Variants in FAM13A observed in about 807,000 individuals in gnomAD.
FAM13A encodes the protein protein FAM13A.
A neutral mutation model predicts 129.6 loss-of-function variants in FAM13A; 76 were observed. That is an observed-to-expected ratio of 0.59 (90% CI 0.49 to 0.71). FAM13A has a LOEUF of 0.71. Ranked by LOEUF, FAM13A falls within the 30% of genes least tolerant of loss-of-function variation. The probability of loss-of-function intolerance (pLI) is 0.00; values close to 1 mark genes in which losing one functional copy is unlikely to be tolerated. For missense variants in FAM13A, 1,108 were observed against 1,249.3 expected (o/e 0.89, Z 1.70); for synonymous variants, 443 against 449.9 (o/e 0.98, Z 0.20).
At chr4:89,017,576 T>A (rs1766665554) in intron 3 of FAM13A, among the ~76,000 whole-genome samples, 3 of 152,174 alleles carry the variant, frequency 2.0e-5, no homozygotes, top group Admixed American at 2.0e-4. Flanking sequence ...GTACTAAGAA[T>A]ACTTAATAAT....
intron 8 of FAM13A, among the ~76,000 whole-genome samples, chr4:88,802,997 T>C (rs1467013957): frequency 1.3e-5 from 2 of 152,214 alleles, no homozygotes; most frequent in African/African-American, 4.8e-5. Flanking sequence ...AGTTTTGCTG[T>C]TCCACCTCTT....
intron 19 of FAM13A, among the ~76,000 whole-genome samples, chr4:88,739,341 C>T (rs1278086312): frequency 6.6e-6 from 1 of 152,134 alleles, no homozygotes; most frequent in African/African-American, 2.4e-5. Flanking sequence ...AGTCACTCCA[C>T]TGGTAGTACT....
At chr4:88,928,972 A>G (rs80080427) in intron 5 of FAM13A, among the ~76,000 whole-genome samples, 1 of 152,184 alleles carries the variant, frequency 6.6e-6, no homozygotes, top group African/African-American at 2.4e-5. Context: ...TGATTGCTTT[A>G]TAAGAACTCT....
At chr4:88,938,613 T>C (rs1395329245) in intron 4 of FAM13A, among the ~76,000 whole-genome samples, 1 of 152,218 alleles carries the variant, frequency 6.6e-6, no homozygotes, top group African/African-American at 2.4e-5. Flanking sequence ...ACAATCTTTA[T>C]TTAAGGCTTT....
intron 8 of FAM13A, among the ~76,000 whole-genome samples, chr4:88,791,683 T>C (rs940973340): frequency 2.0e-5 from 3 of 152,120 alleles, no homozygotes; most frequent in Non-Finnish European, 4.4e-5. Flanking sequence ...AGGACCAATA[T>C]TGATAGTTGT....
intron 3 of FAM13A, among the ~76,000 whole-genome samples, chr4:89,005,579 G>C (rs1248088867): frequency 6.6e-6 from 1 of 152,142 alleles, no homozygotes; most frequent in African/African-American, 2.4e-5. Flanking sequence ...ATCAGCATCT[G>C]TTAATTTTTG....
intron 7 of FAM13A, among the ~76,000 whole-genome samples, chr4:88,826,307 A>G (rs1323660086): frequency 1.2e-5 from 1 of 84,250 alleles, no homozygotes; most frequent in African/African-American, 7.1e-5. Flanking sequence ...ACTGGCACGT[A>G]GGATTAAAAA....
chr4:88,866,941 G>T (rs1391321015), intron 6 of FAM13A, among the ~76,000 whole-genome samples: 2 of 152,134 alleles, frequency 1.3e-5, no homozygotes, highest in Admixed American at 1.3e-4. Context: ...TATGGGCAAA[G>T]GGTACATACA....
At chr4:89,046,575 C>T (rs567506112) in intron 1 of FAM13A, among the ~76,000 whole-genome samples, 2 of 152,162 alleles carry the variant, frequency 1.3e-5, no homozygotes, top group Non-Finnish European at 2.9e-5. Context: ...AGTGGCCGGG[C>T]ACAGTAGCTC....
chr4:88,942,938 G>A (rs1755031261), intron 4 of FAM13A, among the ~76,000 whole-genome samples: 1 of 152,110 alleles, frequency 6.6e-6, no homozygotes, highest in Admixed American at 6.6e-5. Flanking sequence ...TAGGTAACTG[G>A]CCTAGGAAAC....
chr4:88,961,811 T>A (rs1353593765), intron 4 of FAM13A, among the ~76,000 whole-genome samples: 2 of 152,222 alleles, frequency 1.3e-5, no homozygotes, highest in African/African-American at 2.4e-5. Flanking sequence ...CAGTTCATGT[T>A]AAAGGGCTGC....
At chr4:89,056,824 A>G in intron 1 of FAM13A, 114 bp downstream of exon 1, 3 of 1,017,044 alleles carry the variant, frequency 2.9e-6, no homozygotes, top group Non-Finnish European at 4.4e-6. Context: ...ATCTTTCCCC[A>G]CCTCCTGGGA....
chr4:88,885,318 AGACCAATGAAACAG>A (rs1461854077), intron 6 of FAM13A, among the ~76,000 whole-genome samples: 1 of 152,218 alleles, frequency 6.6e-6, no homozygotes, highest in Non-Finnish European at 1.5e-5. Context: ...ATAGGCACAT[AGACCAATGAAACAG>A]GATAGAGAAC....
chr4:89,046,367 C>T (rs1052012777), intron 1 of FAM13A, among the ~76,000 whole-genome samples: 7 of 152,186 alleles, frequency 4.6e-5, no homozygotes, highest in South Asian at 2.1e-4. Flanking sequence ...GTGGTTCAGA[C>T]GGTAGGAGAA....
chr4:88,866,083 T>C (rs1740385874), intron 6 of FAM13A, among the ~76,000 whole-genome samples: 5 of 151,656 alleles, frequency 3.3e-5, no homozygotes. Context: ...ATCTTGCTCT[T>C]ATCCCCCTGG....
intron 3 of FAM13A, among the ~76,000 whole-genome samples, chr4:89,001,550 G>C (rs1764245161): frequency 6.6e-6 from 1 of 152,112 alleles, no homozygotes; most frequent in Non-Finnish European, 1.5e-5. Flanking sequence ...CAAAAGAAAA[G>C]AAGCTTCCCA....
intron 7 of FAM13A, among the ~76,000 whole-genome samples, chr4:88,838,239 CA>C (rs1735168098): frequency 6.6e-6 from 1 of 152,104 alleles, no homozygotes; most frequent in Non-Finnish European, 1.5e-5. Context: ...GGGCTTGAAA[CA>C]AAAGTTTTGA....
At chr4:88,737,109 A>G (rs569647330) in intron 21 of FAM13A, among the ~76,000 whole-genome samples, 21 of 152,346 alleles carry the variant, frequency 1.4e-4, no homozygotes, top group African/African-American at 5.1e-4. Context: ...AAGATTTTGG[A>G]ATACAGAAAA....
chr4:88,917,632 A>C (rs1750321091), intron 5 of FAM13A, among the ~76,000 whole-genome samples: 3 of 152,182 alleles, frequency 2.0e-5, no homozygotes, highest in Admixed American at 6.5e-5. Context: ...AATTGCGGTC[A>C]CTTGTTGCTT....
Sources: allele counts gnomAD v4.1 joint callset (sites outside exome capture counted in the v4.1 genomes callset), GRCh38; gene constraint gnomAD v4.1.1; transcripts MANE v1.5; gene names NCBI Gene and HGNC (gene_info 2026-07-23, HGNC 2026-07-21).